PAPLN: variants seen among roughly 807,000 people sequenced by gnomAD.
PAPLN encodes the protein papilin, proteoglycan like sulfated glycoprotein, also known as papilin.
A neutral mutation model predicts 159.0 loss-of-function variants in PAPLN; 146 were observed. That is an observed-to-expected ratio of 0.92 (90% CI 0.80 to 1.05). PAPLN has a LOEUF of 1.05. Ranked by LOEUF, PAPLN falls within the 50% of genes least tolerant of loss-of-function variation. PAPLN has a pLI of 0.00. For synonymous variants in PAPLN, 734 were observed against 702.9 expected (o/e 1.04, Z -0.70); for missense variants, 1,720 against 1,743.9 (o/e 0.99, Z 0.24).
intron 5 of PAPLN, chr14:73,246,941 C>T (rs1282852523): frequency 6.6e-6 from 1 of 152,208 alleles, no homozygotes; most frequent in Non-Finnish European, 1.5e-5. Flanking sequence ...CTGCTCCCCC[C>T]AGCACATGCC....
intron 1 of PAPLN, among the ~76,000 whole-genome samples, chr14:73,237,837 G>T (rs145686409): frequency 6.6e-6 from 1 of 152,234 alleles, no homozygotes; most frequent in Non-Finnish European, 1.5e-5. Flanking sequence ...GGTGCGGGAC[G>T]GCCCCGGCGC....
In PAPLN at chr14:73,263,751, C is replaced by G; in HGVS notation, c.2830C>G (p.Gln944Glu). The change falls in exon 20 of 27, where the codon CAG becomes GAG. Residue 944 changes from glutamine to glutamate, a missense_variant. Gln to Glu is a conservative substitution (Grantham distance 29). Coordinates refer to ENST00000644200, the MANE Select transcript of PAPLN (RefSeq NM_001365906.3). ...TGCCCCGGAATCCCAGGCTGCCTGG[C>G]AGAAAGATGGCCAGCCCATCTCCTC... is the stretch of plus-strand genomic sequence containing the variant. ...DTAPESQAAWQKDGQPISSDR... is the reference protein window; with the variant it reads ...DTAPESQAAWEKDGQPISSDR... The G allele has an allele frequency of 6.2e-7, 1 of 1,606,676 alleles. No individual in the cohort carries two copies.
chr14:73,263,888 ACC>A, intron 20 of PAPLN, 106 bp downstream of exon 20: 2 of 911,902 alleles, frequency 2.2e-6, no homozygotes, highest in African/African-American at 4.6e-5. Flanking sequence ...GGTGTGACAG[ACC>A]CCCTCCTCCT....
intron 26 of PAPLN, among the ~76,000 whole-genome samples, chr14:73,270,133 T>C (rs1261655825): frequency 1.3e-5 from 2 of 152,202 alleles, no homozygotes; most frequent in Non-Finnish European, 2.9e-5. Flanking sequence ...TCCTGCCGCT[T>C]CGCCAGCCCG....
chr14:73,261,713 T>C (rs1316365193), intron 18 of PAPLN, among the ~76,000 whole-genome samples: 6 of 152,138 alleles, frequency 3.9e-5, no homozygotes, highest in African/African-American at 1.4e-4. Context: ...GTCTTTGAGG[T>C]TGCAGCCCTG....
intron 14 of PAPLN, 88 bp downstream of exon 14, chr14:73,255,106 T>C (rs1885752079): frequency 4.0e-6 from 6 of 1,494,784 alleles, no homozygotes; most frequent in Non-Finnish European, 5.4e-6. Flanking sequence ...CCTCGGGGCC[T>C]CTGCCTGCAC....
chr14:73,254,407 T>G, intron 12 of PAPLN, 106 bp from the exon 13 acceptor site: 1 of 1,400,868 alleles, frequency 7.1e-7, no homozygotes, highest in Non-Finnish European at 9.9e-7. Context: ...CATGGGCAGT[T>G]GGGTGCTATC....
At chr14:73,260,620 C>A in intron 16 of PAPLN, 89 bp from the exon 17 acceptor site, 1 of 1,351,522 alleles carries the variant, frequency 7.4e-7, no homozygotes, top group Non-Finnish European at 9.5e-7. Flanking sequence ...TGTCAGCCCC[C>A]ACCATGGGGA....
At chr14:73,251,394 C>T in intron 7 of PAPLN, 92 bp from the exon 8 acceptor site, 1 of 1,308,446 alleles carries the variant, frequency 7.6e-7, no homozygotes. Context: ...TCCCTGCCCC[C>T]ATTCTGTGCT....
rs1040676368 is a variant in PAPLN, at chr14:73,272,843, C to T, written c.*179C>T. ...ACGGCAGCCAGTTACCAGCTTCTCTCTGTAGCCTTCAGCAGTGTTTGCATC... is the reference window on the plus strand; with the variant it reads ...ACGGCAGCCAGTTACCAGCTTCTCTTTGTAGCCTTCAGCAGTGTTTGCATC... On this transcript the variant is annotated 3_prime_UTR_variant, in exon 27 of 27. Coordinates refer to ENST00000644200, the MANE Select transcript of PAPLN (RefSeq NM_001365906.3). The T allele has an allele frequency of 1.9e-6, 1 of 527,188 alleles. No individual in the cohort carries two copies. Among genetic ancestry groups the T allele is most frequent in the Non-Finnish European group, 3.0e-6 (1 of 329,960 alleles). 32.7% of individuals were successfully genotyped at this position (527,188 alleles called of 1,614,324 possible). A position where few individuals can be genotyped will look rare whatever the true frequency, so the allele number is the denominator to read the frequency against.
chr14:73,261,240 G>A lies in PAPLN; in HGVS notation c.2191G>A (p.Val731Met), dbSNP rs758226571. The A allele has an allele frequency of 1.5e-5, 24 of 1,613,804 alleles. No homozygotes were observed. Among genetic ancestry groups the A allele is most frequent in the East Asian group, 4.5e-5 (2 of 44,872 alleles). ...GSQFGCCYDN[V>M]ATAAGPLGEG... is the part of the protein sequence containing the mutation. Reference sequence around the variant, plus strand: ...CCAGTTTGGCTGTTGCTATGACAACGTGGCCACTGCAGCCGGTCCTCTTGG... The same window carrying A: ...CCAGTTTGGCTGTTGCTATGACAACATGGCCACTGCAGCCGGTCCTCTTGG... The change falls in exon 18 of 27, where the codon GTG (valine) becomes ATG (methionine). Residue 731 changes from valine to methionine, a missense_variant. Physicochemically the swap from Val to Met is conservative, Grantham distance 21. Transcript: ENST00000644200.
intron 16 of PAPLN, 49 bp downstream of exon 16, chr14:73,259,594 T>TG (rs1334681179): frequency 3.5e-6 from 5 of 1,439,234 alleles, no homozygotes; most frequent in Non-Finnish European, 4.6e-6. Context: ...AGAGGGAAGG[T>TG]GGGACCCCGT....
Position 73,252,125 on chromosome 14 carries a change from C to A in PAPLN, c.951C>A (p.Ser317Arg), listed in dbSNP as rs369523669. Residue 317 changes from serine (S) to arginine (R), a missense_variant, in exon 10 of 27, where the codon AGC becomes AGA. Ser to Arg is a moderately radical substitution (Grantham distance 110, BLOSUM62 -1). Transcript: ENST00000644200. ...GCCACGGCTCATGGAGTGACTGCAG[C>A]GCGGAGTGTGGCGGAGGTGCGGGCG... ...SWSHGSWSDCSAECGGGHQSR... is the reference protein window; with the variant it reads ...SWSHGSWSDCRAECGGGHQSR... The A allele has an allele frequency of 6.2e-7, 1 of 1,606,750 alleles. No homozygotes were observed. The highest frequency in any genetic ancestry group is 8.5e-7 in the Non-Finnish European group (1 of 1,176,782).
chr14:73,263,461 T>C (rs1214125900), intron 19 of PAPLN, 184 bp from the exon 20 acceptor site: 6 of 705,654 alleles, frequency 8.5e-6, no homozygotes, highest in South Asian at 5.3e-5. Flanking sequence ...CGGGGGCAGG[T>C]TGGGGAGGGT....
At chr14:73,267,753 T>C (rs1003502166) in intron 25 of PAPLN, among the ~76,000 whole-genome samples, 5 of 152,144 alleles carry the variant, frequency 3.3e-5, no homozygotes, top group Admixed American at 2.6e-4. Context: ...AGTCCAGCCA[T>C]CCCCTGATCA....
chr14:73,246,401 T>A (rs992194923), intron 5 of PAPLN, among the ~76,000 whole-genome samples: 3 of 13,560 alleles, frequency 2.2e-4, no homozygotes, highest in Admixed American at 1.1e-3. Flanking sequence ...CGACCAATTT[T>A]TTTTTTTTTT....
Position 73,268,742 on chromosome 14 carries a change from C to G in PAPLN, c.3667+19C>G. ...TCACCAGGTAGGAAAGGTCTATATC[C>G]GGGGATGGGAAGGACATTCCCCAGT... is the stretch of plus-strand genomic sequence containing the variant. On this transcript the variant is annotated intron_variant, in intron 26 of 26. Transcript: ENST00000644200. 1 of 1,584,636 alleles carries G rather than the reference C, an allele frequency of 6.3e-7. No individual in the cohort carries two copies. The highest frequency in any genetic ancestry group is 8.6e-7 in the Non-Finnish European group (1 of 1,164,390).
intron 16 of PAPLN, among the ~76,000 whole-genome samples, chr14:73,259,954 G>C (rs1021728092): frequency 1.3e-5 from 2 of 152,074 alleles, no homozygotes; most frequent in Non-Finnish European, 2.9e-5. Context: ...GAATGGGTCC[G>C]AGTCATCCCA....
chr14:73,252,688 A>C lies in PAPLN; in HGVS notation c.1007A>C (p.Glu336Ala). 6.2e-7 allele frequency: 1 copy of C among 1,613,390 alleles called. No homozygotes were observed. Among genetic ancestry groups the C allele is most frequent in the Non-Finnish European group, 8.5e-7 (1 of 1,179,976 alleles). Residue 336 changes from glutamate (E) to alanine (A), a missense_variant, in exon 11 of 27, where the codon GAG becomes GCG. By Grantham distance (107) the Glu-to-Ala change is moderately radical (BLOSUM62 -1). Coordinates refer to ENST00000644200, the MANE Select transcript of PAPLN (RefSeq NM_001365906.3). ...CTGGTGTTCTGCACCATCGACCATG[A>C]GGCCTACCCCGACCACATGTGCCAG... is the stretch of plus-strand genomic sequence containing the variant. ...SRLVFCTIDH[E>A]AYPDHMCQRQ...
Sources: allele counts gnomAD v4.1 joint callset (sites outside exome capture counted in the v4.1 genomes callset), GRCh38; gene constraint gnomAD v4.1.1; transcripts MANE v1.5; gene names NCBI Gene and HGNC (gene_info 2026-07-23, HGNC 2026-07-21).